The following FOXP1 variants were observed in gnomAD, a reference collection of about 807,000 sequenced individuals.
FOXP1 encodes the protein forkhead box protein P1.
Under a neutral mutation model 98.2 loss-of-function variants are expected in FOXP1, and 15 were observed. That is an observed-to-expected ratio of 0.15 (90% CI 0.10 to 0.24). The LOEUF is 0.24. Ranked by LOEUF, FOXP1 falls within the 10% of genes least tolerant of loss-of-function variation. The pLI, the probability that FOXP1 is intolerant of heterozygous loss-of-function variation, is 1.00. For missense variants in FOXP1, 633 were observed against 848.5 expected (o/e 0.75, Z 3.15); for synonymous variants, 371 against 314.5 (o/e 1.18, Z -1.90).
chr3:71,014,599 C>T (rs567652710), intron 12 of FOXP1, among the ~76,000 whole-genome samples: 1 of 152,276 alleles, frequency 6.6e-6, no homozygotes, highest in South Asian at 2.1e-4. Flanking sequence ...CCTCGAGGAT[C>T]TAAAACTAGA....
In FOXP1 at chr3:71,229,718, G is replaced by A. The variant is rs150580717; in HGVS notation, c.-11-31326C>T. 1.3e-3 allele frequency among the ~76,000 whole-genome samples: 191 copies of A among 152,174 alleles called. 1 individual carries two copies. Among genetic ancestry groups the A allele is most frequent in the African/African-American group, 4.5e-3 (187 of 41,534 alleles). The stretch of plus-strand genomic sequence containing the variant: ...CTGTTTTCTAGTCAATGTCAAGAAT[G>A]GAGCTTTGAAATTTAAAAAAAAATA... On this transcript the variant is annotated intron_variant, in intron 5 of 20. Coordinates refer to ENST00000649528, the MANE Select transcript of FOXP1 (RefSeq NM_001349338.3).
intron 3 of FOXP1, among the ~76,000 whole-genome samples, chr3:71,411,318 T>A (rs1448525810): frequency 7.5e-6 from 1 of 132,912 alleles, no homozygotes; most frequent in Non-Finnish European, 1.6e-5. Flanking sequence ...TGTGTGTGTG[T>A]ATGTGTGTGT....
chr3:71,390,560 G>A (rs931269745), intron 3 of FOXP1, among the ~76,000 whole-genome samples: 1 of 144,352 alleles, frequency 6.9e-6, no homozygotes, highest in Non-Finnish European at 1.5e-5. Flanking sequence ...CGTCAGTAAG[G>A]ATGTGTGTGT....
At chr3:71,365,545 T>A (rs2078861298) in intron 3 of FOXP1, among the ~76,000 whole-genome samples, 1 of 152,006 alleles carries the variant, frequency 6.6e-6, no homozygotes, top group African/African-American at 2.4e-5. Context: ...TAAAGTGACT[T>A]TATGTTGGAC....
chr3:71,156,377 C>T (rs2060824106), intron 6 of FOXP1, among the ~76,000 whole-genome samples: 1 of 152,172 alleles, frequency 6.6e-6, no homozygotes, highest in Non-Finnish European at 1.5e-5. Context: ...TACAACATTG[C>T]CAGCCTCAAA....
intron 9 of FOXP1, among the ~76,000 whole-genome samples, chr3:71,050,637 G>A (rs1489693830): frequency 1.3e-5 from 2 of 152,240 alleles, no homozygotes; most frequent in Admixed American, 1.3e-4. Context: ...TCTTGAGGCT[G>A]TAACCATTTC....
chr3:71,370,634 A>G (rs1369143547), intron 3 of FOXP1, among the ~76,000 whole-genome samples: 1 of 152,084 alleles, frequency 6.6e-6, no homozygotes, highest in Non-Finnish European at 1.5e-5. Flanking sequence ...TCTTCCCATG[A>G]GACTAGTGCA....
intron 4 of FOXP1, among the ~76,000 whole-genome samples, chr3:71,303,035 C>G (rs753718498): frequency 6.6e-6 from 1 of 152,146 alleles, no homozygotes; most frequent in Non-Finnish European, 1.5e-5. Context: ...ACGGTGTCCA[C>G]TAGTATGTCC....
intron 7 of FOXP1, among the ~76,000 whole-genome samples, chr3:71,105,709 AT>A (rs2057365578): frequency 1.3e-5 from 2 of 152,234 alleles, no homozygotes; most frequent in Non-Finnish European, 2.9e-5. Context: ...AAAATAAGAA[AT>A]AACTTTGCTT....
chr3:71,225,619 G>T (rs1353120870), intron 5 of FOXP1, among the ~76,000 whole-genome samples: 1 of 152,138 alleles, frequency 6.6e-6, no homozygotes, highest in Non-Finnish European at 1.5e-5. Context: ...AAGGTATTTT[G>T]TCTGTCTGTT....
chr3:70,976,760 A>C (rs1487077585), intron 17 of FOXP1, among the ~76,000 whole-genome samples, 181 bp downstream of exon 17: 2 of 152,254 alleles, frequency 1.3e-5, no homozygotes, highest in Non-Finnish European at 2.9e-5. Context: ...GGAGTCTTCC[A>C]TCAGAGCATT....
intron 6 of FOXP1, among the ~76,000 whole-genome samples, chr3:71,186,378 A>G (rs1262348972): frequency 6.6e-6 from 1 of 152,220 alleles, no homozygotes; most frequent in Non-Finnish European, 1.5e-5. Flanking sequence ...ATTAGAAGTA[A>G]TTTTGCCACT....
Position 71,376,252 on chromosome 3 carries a change from AG to A in FOXP1, c.-167-17009del, listed in dbSNP as rs1017425037. Among the ~76,000 whole-genome samples the A allele has an allele frequency of 5.9e-5, 9 of 152,134 alleles. 1 individual carries two copies. The highest frequency in any genetic ancestry group is 1.5e-5 in the Non-Finnish European group (1 of 68,034). On this transcript the variant is annotated intron_variant, in intron 3 of 20. Transcript: ENST00000649528. Reference sequence around the variant, plus strand: ...TTAATCCCATCTTATAGACAAGCAAAGTAAGGCCCAGAAGCAGCTACATGAT... The same window carrying A: ...TTAATCCCATCTTATAGACAAGCAAATAAGGCCCAGAAGCAGCTACATGAT...
chr3:71,046,871 A>G (rs2049097935), intron 10 of FOXP1, 71 bp downstream of exon 10: 1 of 1,524,340 alleles, frequency 6.6e-7, no homozygotes, highest in South Asian at 1.1e-5. Context: ...TAACAAATAT[A>G]CCAAGAGACA....
At chr3:71,504,704 G>C (rs184412523) in intron 2 of FOXP1, among the ~76,000 whole-genome samples, 1 of 152,274 alleles carries the variant, frequency 6.6e-6, no homozygotes, top group Admixed American at 6.5e-5. Flanking sequence ...AAGAGCTGAT[G>C]ATCAGGACAA....
At chr3:71,175,746 T>G (rs904494264) in intron 6 of FOXP1, among the ~76,000 whole-genome samples, 17 of 152,172 alleles carry the variant, frequency 1.1e-4, no homozygotes, top group African/African-American at 4.1e-4. Flanking sequence ...GCTAGGGAAA[T>G]GTACATAGTT....
chr3:71,434,702 A>T (rs2085068810), intron 3 of FOXP1, among the ~76,000 whole-genome samples: 1 of 151,234 alleles, frequency 6.6e-6, no homozygotes, highest in Non-Finnish European at 1.5e-5. Flanking sequence ...AGTTAGACTT[A>T]AATGGTGTAG....
chr3:71,196,528 G>C (rs2063312840), intron 6 of FOXP1, among the ~76,000 whole-genome samples: 1 of 152,094 alleles, frequency 6.6e-6, no homozygotes, highest in Non-Finnish European at 1.5e-5. Flanking sequence ...TAATTATTTA[G>C]TATCACATCA....
At chr3:71,273,323 T>G (rs574025705) in intron 5 of FOXP1, among the ~76,000 whole-genome samples, 15 of 152,336 alleles carry the variant, frequency 9.8e-5, no homozygotes, top group African/African-American at 3.6e-4. Context: ...CATGTCTGGC[T>G]TATGTGAAGC....
Sources: allele counts gnomAD v4.1 joint callset (sites outside exome capture counted in the v4.1 genomes callset), GRCh38; gene constraint gnomAD v4.1.1; transcripts MANE v1.5; gene names NCBI Gene and HGNC (gene_info 2026-07-23, HGNC 2026-07-21).